Variants in CHODL observed in about 807,000 individuals in gnomAD.
The protein encoded by CHODL is chondrolectin.
A neutral mutation model predicts 34.5 loss-of-function variants in CHODL; 29 were observed. The ratio of observed to expected loss-of-function variants is 0.84; its 90% CI spans 0.63 to 1.15. The LOEUF is 1.15. Ranked by LOEUF, CHODL falls within the 50% of genes most tolerant of loss-of-function variation. The probability of loss-of-function intolerance (pLI) is 0.00; values close to 1 mark genes in which losing one functional copy is unlikely to be tolerated. For missense variants in CHODL, 332 were observed against 332.5 expected (o/e 1.00, Z 0.01); for synonymous variants, 125 against 116.1 (o/e 1.08, Z -0.49).
intron 2 of CHODL, among the ~76,000 whole-genome samples, chr21:18,095,216 A>C (rs1396915240): frequency 6.6e-6 from 1 of 152,086 alleles, no homozygotes; most frequent in Non-Finnish European, 1.5e-5. Flanking sequence ...ATGGACCAAA[A>C]ATTTGGCTTT....
At chr21:18,254,089 C>G (rs949161796) in intron 1 of CHODL, among the ~76,000 whole-genome samples, 1 of 151,786 alleles carries the variant, frequency 6.6e-6, no homozygotes, top group Non-Finnish European at 1.5e-5. Flanking sequence ...ATATGATACA[C>G]TGGCTCAGTG....
chr21:18,222,810 T>C (rs1304093342), intron 2 of CHODL, among the ~76,000 whole-genome samples: 1 of 152,168 alleles, frequency 6.6e-6, no homozygotes, highest in Non-Finnish European at 1.5e-5. Context: ...AGGAGGCAAG[T>C]CTGCTGTGTG....
At chr21:18,154,614 T>C (rs1198895821) in intron 2 of CHODL, among the ~76,000 whole-genome samples, 1 of 152,182 alleles carries the variant, frequency 6.6e-6, no homozygotes, top group Non-Finnish European at 1.5e-5. Flanking sequence ...TTATCATAAT[T>C]CCATCTGCCG....
chr21:18,057,237 C>CT (rs2064593595), intron 2 of CHODL, among the ~76,000 whole-genome samples: 1 of 152,098 alleles, frequency 6.6e-6, no homozygotes, highest in African/African-American at 2.4e-5. Flanking sequence ...TATTTATTTT[C>CT]TTTTTTATAA....
At chr21:18,008,367 TTAACA>T (rs1198397565) in intron 1 of CHODL, among the ~76,000 whole-genome samples, 1 of 152,092 alleles carries the variant, frequency 6.6e-6, no homozygotes, top group Admixed American at 6.5e-5. Context: ...ATCTACCCTC[TTAACA>T]TATCATAAAG....
intron 1 of CHODL, among the ~76,000 whole-genome samples, chr21:17,950,756 C>A (rs1050342688): frequency 1.3e-5 from 2 of 152,100 alleles, no homozygotes; most frequent in African/African-American, 4.8e-5. Context: ...GCATGCCAGA[C>A]ATAAAACTGG....
At chr21:18,223,312 A>G (rs138325520) in intron 2 of CHODL, among the ~76,000 whole-genome samples, 208 of 152,346 alleles carry the variant, frequency 1.4e-3, no homozygotes, top group African/African-American at 4.8e-3. Context: ...TCTCTGAATT[A>G]TAAAATTAAA....
intron 2 of CHODL, among the ~76,000 whole-genome samples, chr21:18,051,144 G>C (rs1307766315): frequency 6.6e-6 from 1 of 151,768 alleles, no homozygotes; most frequent in African/African-American, 2.4e-5. Flanking sequence ...TGTTCTCATT[G>C]TTCAACTCCC....
chr21:18,245,561 T>C (rs1243665822), intron 1 of CHODL, among the ~76,000 whole-genome samples: 3 of 152,178 alleles, frequency 2.0e-5, no homozygotes, highest in Non-Finnish European at 4.4e-5. Flanking sequence ...ACGAGCGGCA[T>C]AGCCTTTTTC....
chr21:17,922,828 A>G (rs1024627022), intron 1 of CHODL, among the ~76,000 whole-genome samples: 1 of 152,194 alleles, frequency 6.6e-6, no homozygotes, highest in African/African-American at 2.4e-5. Context: ...GTTTGAGGAC[A>G]TGCAGCCGTG....
intron 1 of CHODL, among the ~76,000 whole-genome samples, chr21:17,995,424 TGCCAGCCA>T (rs2063839756): frequency 6.6e-6 from 1 of 152,222 alleles, no homozygotes; most frequent in Admixed American, 6.5e-5. Context: ...TCTGAGCTTA[TGCCAGCCA>T]GGCTGGCTAT....
intron 2 of CHODL, among the ~76,000 whole-genome samples, chr21:18,035,545 C>T (rs2064299154): frequency 6.6e-6 from 1 of 151,904 alleles, no homozygotes; most frequent in Non-Finnish European, 1.5e-5. Context: ...ACAGTTTTTT[C>T]TTTTCCCTCA....
chr21:18,186,355 G>T (rs1339272581), intron 2 of CHODL, among the ~76,000 whole-genome samples: 1 of 151,298 alleles, frequency 6.6e-6, no homozygotes, highest in Non-Finnish European at 1.5e-5. Context: ...CCATCAGAAT[G>T]ATCTGAATAA....
At chr21:18,047,888 C>G (rs1245114101) in intron 2 of CHODL, among the ~76,000 whole-genome samples, 1 of 151,930 alleles carries the variant, frequency 6.6e-6, no homozygotes, top group African/African-American at 2.4e-5. Flanking sequence ...GTGGTGAGGA[C>G]AAGAGGCCAT....
At chr21:18,107,658 G>A (rs1362783930) in intron 2 of CHODL, among the ~76,000 whole-genome samples, 1 of 152,154 alleles carries the variant, frequency 6.6e-6, no homozygotes, top group East Asian at 1.9e-4. Flanking sequence ...TTGCTGTGTG[G>A]GAAATGAAGT....
At chr21:18,070,025 T>TTCCCCC (rs1555860424) in intron 2 of CHODL, among the ~76,000 whole-genome samples, 3 of 29,090 alleles carry the variant, frequency 1.0e-4, no homozygotes, top group East Asian at 6.3e-4. Context: ...TTCCCTTCCC[T>TTCCCCC]CCCCCCCCCC....
chr21:18,091,548 G>T (rs897311369), intron 2 of CHODL, among the ~76,000 whole-genome samples: 2 of 152,160 alleles, frequency 1.3e-5, no homozygotes, highest in Admixed American at 6.5e-5. Context: ...ATAGGGCACT[G>T]AGCAGACTCA....
chr21:18,232,935 ATGT>A (rs2073993547), intron 2 of CHODL, among the ~76,000 whole-genome samples: 1 of 129,176 alleles, frequency 7.7e-6, no homozygotes, highest in South Asian at 2.5e-4. Flanking sequence ...GGTCCACATG[ATGT>A]TATGATATAT....
At position 18,075,777 on chromosome 21, in the gene CHODL, G is replaced by T. The variant is rs1383790934; in HGVS notation, c.-45+47806G>T. 3.3e-5 allele frequency among the ~76,000 whole-genome samples: 5 copies of T among 152,224 alleles called. No individual in the cohort carries two copies. The East Asian group carries it at 9.7e-4, about 29-fold the overall frequency. ...CTAAATGTTATTGTACCCCCAAAATGCATACAACAAAATCCTGACCTATAA... is the reference window on the plus strand; with the variant it reads ...CTAAATGTTATTGTACCCCCAAAATTCATACAACAAAATCCTGACCTATAA... On this transcript the variant is annotated intron_variant, in intron 2 of 6. Transcript: ENST00000400127.
Sources: gnomAD v4.1 joint callset for allele counts (sites outside exome capture counted in the v4.1 genomes callset) on GRCh38, gnomAD v4.1.1 for gene constraint, MANE v1.5 for transcripts, NCBI Gene and HGNC (gene_info 2026-07-23, HGNC 2026-07-21) for gene names.